MTA1: variants seen among roughly 807,000 people sequenced by gnomAD.
MTA1 encodes the protein metastasis-associated protein MTA1.
In MTA1, 15 loss-of-function variants were observed where a neutral mutation model predicts 97.0. The ratio of observed to expected loss-of-function variants is 0.15; its 90% CI spans 0.10 to 0.24. MTA1 has a LOEUF of 0.24. MTA1 is among the 10% of genes least tolerant of loss of function. The probability of loss-of-function intolerance (pLI) is 1.00; values close to 1 mark genes in which losing one functional copy is unlikely to be tolerated. For synonymous variants in MTA1, 435 were observed against 417.5 expected, an observed-to-expected ratio of 1.04 and a Z score of -0.51; for missense variants, 709 against 1,015.1, an observed-to-expected ratio of 0.70 and a Z score of 4.10.
intron 1 of MTA1, among the ~76,000 whole-genome samples, chr14:105,438,010 C>T (rs1056291288): frequency 1.1e-4 from 16 of 152,210 alleles, no homozygotes; most frequent in Non-Finnish European, 8.8e-5. Flanking sequence ...ACCTGATGGC[C>T]GATCTTGGGG....
intron 1 of MTA1, among the ~76,000 whole-genome samples, chr14:105,433,085 G>C (rs1555423710): frequency 6.6e-6 from 1 of 152,114 alleles, no homozygotes; most frequent in Non-Finnish European, 1.5e-5. Context: ...TTCTGCCAGG[G>C]GTACGGTTGA....
intron 1 of MTA1, among the ~76,000 whole-genome samples, chr14:105,437,174 C>A (rs2082350225): frequency 6.6e-6 from 1 of 152,268 alleles, no homozygotes; most frequent in Non-Finnish European, 1.5e-5. Flanking sequence ...TGTGACTTTG[C>A]ACATGGGTGC....
chr14:105,440,091 A>T (rs2082459005), intron 2 of MTA1, among the ~76,000 whole-genome samples: 1 of 152,168 alleles, frequency 6.6e-6, no homozygotes, highest in Admixed American at 6.5e-5. Context: ...TCTGAGGGCC[A>T]GGCCTGTTTG....
chr14:105,445,336 GT>G lies in MTA1; in HGVS notation c.97-81del, dbSNP rs1385339035. ...ACACCTGCAGTCCCTGGACGGCAGGGTCCGGCCTTGGAGCCCCTCCTGGGAG... is the reference window on the plus strand; with the variant it reads ...ACACCTGCAGTCCCTGGACGGCAGGGCCGGCCTTGGAGCCCCTCCTGGGAG... On this transcript the variant is annotated intron_variant, in intron 2 of 20. Coordinates refer to ENST00000331320, the MANE Select transcript of MTA1 (RefSeq NM_004689.4). The G allele has an allele frequency of 2.3e-6, 3 of 1,305,768 alleles. No individual in the cohort carries two copies. The African/African-American group carries it at 4.4e-5, about 19-fold the overall frequency. 80.9% of individuals were successfully genotyped at this position (1,305,768 alleles called of 1,614,324 possible).
intron 1 of MTA1, among the ~76,000 whole-genome samples, chr14:105,431,386 C>G (rs1416034683): frequency 2.0e-5 from 3 of 152,038 alleles, no homozygotes; most frequent in Non-Finnish European, 2.9e-5. Flanking sequence ...ATTAACAAGA[C>G]CAATAAACTG....
At position 105,420,169 on chromosome 14, in the gene MTA1, G is replaced by A. The variant is rs1190736862; in HGVS notation, c.28+106G>A. On this transcript the variant is annotated intron_variant, in intron 1 of 20. Transcript: ENST00000331320. This position sits in a 1 kb window ranked among gnomAD's most constrained non-coding sequence, Gnocchi z 5.3. Reference sequence around the variant, plus strand: ...CTGCCCCGCAGGCCCCGCGCCCCCCGCCCGCCCTCGCGGCCCCCGGCTCCT... The same window carrying A: ...CTGCCCCGCAGGCCCCGCGCCCCCCACCCGCCCTCGCGGCCCCCGGCTCCT... 12 of 522,958 alleles carry A rather than the reference G, an allele frequency of 2.3e-5. No homozygotes were observed. Among genetic ancestry groups the A allele is most frequent in the Non-Finnish European group, 2.9e-5 (12 of 414,016 alleles). The allele number at this position is 522,958 out of a possible 1,614,324, so 32.4% of individuals were successfully genotyped here.
At chr14:105,434,036 C>T (rs2082257960) in intron 1 of MTA1, among the ~76,000 whole-genome samples, 2 of 152,174 alleles carry the variant, frequency 1.3e-5, no homozygotes, top group Admixed American at 6.5e-5. Context: ...CCATGTTGGC[C>T]AGGATGGTCT....
rs1334781875 is a variant in MTA1 at position 105,420,469 on chromosome 14, G to GA, written c.28+406_28+407insA. ...GGGGCTGTGGGGTCTCCCCCGGCCCGCGGCCCTGTGCTGGGACTCCGGTGC... is the reference window on the plus strand; with the variant it reads ...GGGGCTGTGGGGTCTCCCCCGGCCCGACGGCCCTGTGCTGGGACTCCGGTGC... On this transcript the variant is annotated intron_variant, in intron 1 of 20. Coordinates refer to ENST00000331320, the MANE Select transcript of MTA1 (RefSeq NM_004689.4). This position sits in a 1 kb window ranked among gnomAD's most constrained non-coding sequence, Gnocchi z 5.3. Among the ~76,000 whole-genome samples the GA allele has an allele frequency of 1.3e-5, 2 of 152,128 alleles. No homozygotes were observed. The highest frequency in any genetic ancestry group is 2.9e-5 in the Non-Finnish European group (2 of 68,000).
rs1414138154 is a variant in MTA1, at chr14:105,422,246, G to A, written c.28+2183G>A. ...CCTGGCTTCTGGACCGGAACCCTGG[G>A]TTCCGGCAGGACCCCGGCAGAGCCC... On this transcript the variant is annotated intron_variant, in intron 1 of 20. Coordinates refer to ENST00000331320, the MANE Select transcript of MTA1 (RefSeq NM_004689.4). This position sits in a 1 kb window ranked among gnomAD's most constrained non-coding sequence, Gnocchi z 4.3. Among the ~76,000 whole-genome samples the A allele has an allele frequency of 3.9e-5, 6 of 152,104 alleles. No homozygotes were observed.
chr14:105,426,275 G>C (rs1447845864), intron 1 of MTA1, among the ~76,000 whole-genome samples: 4 of 151,458 alleles, frequency 2.6e-5, no homozygotes, highest in Non-Finnish European at 5.9e-5. Context: ...AGCGGCTCCT[G>C]GTACCAAGCA....
intron 18 of MTA1, chr14:105,466,967 T>C: frequency 3.4e-6 from 2 of 583,070 alleles, no homozygotes; most frequent in Non-Finnish European, 6.1e-6. Flanking sequence ...CCCCGCCTCC[T>C]GTCAGTGGAC....
intron 1 of MTA1, among the ~76,000 whole-genome samples, chr14:105,437,639 T>A (rs1204564500): frequency 6.6e-6 from 1 of 152,202 alleles, no homozygotes. Context: ...GGGCTGGGCT[T>A]CTTTGGTGCT....
chr14:105,423,316 C>T (rs1555421446), intron 1 of MTA1, among the ~76,000 whole-genome samples: 1 of 150,476 alleles, frequency 6.6e-6, no homozygotes, highest in East Asian at 2.0e-4. Flanking sequence ...GCCTCCCCGG[C>T]CCAAGCGATT....
chr14:105,448,048 G>T (rs1164892820), intron 3 of MTA1, among the ~76,000 whole-genome samples: 1 of 152,146 alleles, frequency 6.6e-6, no homozygotes, highest in Non-Finnish European at 1.5e-5. Context: ...GGCCCCTGTG[G>T]CAGAGAAGCC....
At chr14:105,466,796 T>C in intron 18 of MTA1, 54 bp downstream of exon 18, 1 of 1,537,350 alleles carries the variant, frequency 6.5e-7, no homozygotes, top group Non-Finnish European at 8.8e-7. Context: ...GTGATGCCTG[T>C]GCTGTGCTGC....
At chr14:105,467,128 T>G (rs1595428611) in intron 18 of MTA1, 1 of 381,506 alleles carries the variant, frequency 2.6e-6, no homozygotes. Flanking sequence ...GTGGGGAGGG[T>G]GGTCGGGGGT....
At chr14:105,467,021 G>C in intron 18 of MTA1, 1 of 549,270 alleles carries the variant, frequency 1.8e-6, no homozygotes, top group Non-Finnish European at 3.2e-6. Context: ...TGCGCTGTCT[G>C]CCATCGCGCT....
chr14:105,439,760 A>G (rs2082447058), intron 2 of MTA1, among the ~76,000 whole-genome samples: 1 of 152,044 alleles, frequency 6.6e-6, no homozygotes, highest in Non-Finnish European at 1.5e-5. Flanking sequence ...CAGTGGCCCG[A>G]TGGCTGCCTT....
At chr14:105,428,441 C>T (rs1555422697) in intron 1 of MTA1, among the ~76,000 whole-genome samples, 1 of 152,102 alleles carries the variant, frequency 6.6e-6, no homozygotes, top group Non-Finnish European at 1.5e-5. Context: ...CAGGTGTGCA[C>T]CACCACACCC....
Sources: gnomAD v4.1 joint callset for allele counts (sites outside exome capture counted in the v4.1 genomes callset) on GRCh38, gnomAD v4.1.1 for gene constraint, Gnocchi (gnomAD v3.1) non-coding constraint, MANE v1.5 for transcripts, NCBI Gene and HGNC (gene_info 2026-07-23, HGNC 2026-07-21) for gene names.